The following OSTM1 variants were observed in gnomAD, a reference collection of about 807,000 sequenced individuals.
The protein encoded by OSTM1 is osteoclastogenesis associated transmembrane protein 1.
A neutral mutation model predicts 35.4 loss-of-function variants in OSTM1; 26 were observed. The ratio of observed to expected loss-of-function variants is 0.73; its 90% CI spans 0.54 to 1.02. The LOEUF (loss-of-function observed/expected upper bound fraction) is 1.02, where lower values mean the gene tolerates loss of function less well. Among genes scored for constraint, OSTM1 ranks in the 50% least tolerant of loss-of-function variants. The pLI, the probability that OSTM1 is intolerant of heterozygous loss-of-function variation, is 0.00. For synonymous variants in OSTM1, 181 were observed against 165.0 expected, an observed-to-expected ratio of 1.10 and a Z score of -0.75; for missense variants, 366 against 409.6, an observed-to-expected ratio of 0.89 and a Z score of 0.92.
intron 3 of OSTM1, among the ~76,000 whole-genome samples, chr6:108,052,168 T>G (rs763885347): frequency 3.1e-4 from 47 of 152,122 alleles, no homozygotes; most frequent in Non-Finnish European, 6.2e-4. Flanking sequence ...GGCGCGATGG[T>G]TCACACCTGT....
At chr6:108,057,302 A>G (rs1243414368) in intron 2 of OSTM1, among the ~76,000 whole-genome samples, 15 of 152,228 alleles carry the variant, frequency 9.9e-5, no homozygotes, top group African/African-American at 2.2e-4. Context: ...GGCAGAGTTG[A>G]TATAAATAAA....
At chr6:108,058,441 C>T (rs1772204462) in intron 2 of OSTM1, among the ~76,000 whole-genome samples, 1 of 151,934 alleles carries the variant, frequency 6.6e-6, no homozygotes, top group South Asian at 2.1e-4. Flanking sequence ...TTATAAGATA[C>T]AAATAATATG....
At chr6:108,047,946 C>T (rs1220655371) in intron 5 of OSTM1, among the ~76,000 whole-genome samples, 1 of 152,158 alleles carries the variant, frequency 6.6e-6, no homozygotes, top group Non-Finnish European at 1.5e-5. Flanking sequence ...AATAGTTTCT[C>T]AATGGTGAGG....
rs1703483104 is a variant in OSTM1 at position 108,044,351 on chromosome 6, G to T, written c.*434C>A. Reference sequence around the variant, plus strand: ...TATAACAATAATACTGCAATGGGGGGTAATTAAGCTACTTCCTAACAAGTA... The same window carrying T: ...TATAACAATAATACTGCAATGGGGGTTAATTAAGCTACTTCCTAACAAGTA... On this transcript the variant is annotated 3_prime_UTR_variant, in exon 6 of 6. Transcript: ENST00000193322. 1 of 156,532 alleles carries T rather than the reference G, an allele frequency of 6.4e-6. No homozygotes were observed. The highest frequency in any genetic ancestry group is 6.3e-5 in the Admixed American group (1 of 15,804). 9.7% of individuals were successfully genotyped at this position (156,532 alleles called of 1,614,324 possible).
At position 108,061,703 on chromosome 6, in the gene OSTM1, T is replaced by TTCTTG. The variant is rs1337915320; in HGVS notation, c.517+2481_517+2482insCAAGA. On this transcript the variant is annotated intron_variant, in intron 2 of 5. Coordinates refer to ENST00000193322, the MANE Select transcript of OSTM1 (RefSeq NM_014028.4). ...ACCATGCCCAGCTAATTTTTTTCTTTTCTTTTCTTTTCTTTGTAGAGACTC... is the reference window on the plus strand; with the variant it reads ...ACCATGCCCAGCTAATTTTTTTCTTTTCTTGTCTTTTCTTTTCTTTGTAGAGACTC... Among the ~76,000 whole-genome samples, 5 of 151,716 alleles carry TTCTTG rather than the reference T, an allele frequency of 3.3e-5. No homozygotes were observed. In the East Asian group the frequency reaches 9.7e-4, roughly 30 times the overall value.
At chr6:108,047,642 G>T (rs1772003955) in intron 5 of OSTM1, among the ~76,000 whole-genome samples, 1 of 152,198 alleles carries the variant, frequency 6.6e-6, no homozygotes, top group Admixed American at 6.5e-5. Flanking sequence ...GTTTGGGCTA[G>T]GGTTTACCAG....
In OSTM1 at chr6:108,049,460, C is replaced by A. The variant is rs770033090; in HGVS notation, c.784-42G>T. The A allele has an allele frequency of 4.4e-6, 7 of 1,603,266 alleles. No homozygotes were observed. In the South Asian group the frequency reaches 6.6e-5, roughly 15 times the overall value. The stretch of plus-strand genomic sequence containing the variant: ...CAATATCTTTCTATTTTATATTTAA[C>A]TTGTCTTCAATTTCTTATAATTATT... On this transcript the variant is annotated intron_variant, in intron 4 of 5. Coordinates refer to ENST00000193322, the MANE Select transcript of OSTM1 (RefSeq NM_014028.4).
At chr6:108,072,971 G>T (rs1274039483) in intron 1 of OSTM1, among the ~76,000 whole-genome samples, 2 of 152,080 alleles carry the variant, frequency 1.3e-5, no homozygotes, top group Non-Finnish European at 2.9e-5. Context: ...ACCACGCCCG[G>T]ATAATTTTTG....
rs1772136682 is a variant in OSTM1 at position 108,054,517 on chromosome 6, G to C, written c.588C>G (p.Thr196=). 6.5e-7 allele frequency: 1 copy of C among 1,541,320 alleles called. No homozygotes were observed. The highest frequency in any genetic ancestry group is 1.7e-5 in the Admixed American group (1 of 59,742). Reference sequence around the variant, plus strand: ...GAAGGTTATGTTCAAAGCAGGTCAGGGTGTGATTAAATAGATTAAGGAAAT... The same window carrying C: ...GAAGGTTATGTTCAAAGCAGGTCAGCGTGTGATTAAATAGATTAAGGAAAT... ...TVYFLNLFNH[T]LTCFEHNLQG... is the part of the protein sequence containing the mutation. The change falls in exon 3 of 6, where the codon ACC becomes ACG. Residue 196 remains threonine (T), a synonymous_variant. Transcript: ENST00000193322.
intron 5 of OSTM1, among the ~76,000 whole-genome samples, chr6:108,048,994 G>A (rs1562369977): frequency 2.0e-5 from 3 of 151,742 alleles, no homozygotes; most frequent in South Asian, 2.1e-4. Context: ...CTCGTGATCC[G>A]CCCACCTCAT....
chr6:108,047,959 C>A (rs1324612733), intron 5 of OSTM1, among the ~76,000 whole-genome samples: 1 of 152,122 alleles, frequency 6.6e-6, no homozygotes, highest in Middle Eastern at 3.2e-3. Context: ...TGGTGAGGTG[C>A]CCACAATATT....
chr6:108,070,354 A>T (rs539744735), intron 1 of OSTM1, among the ~76,000 whole-genome samples: 9 of 152,252 alleles, frequency 5.9e-5, no homozygotes, highest in African/African-American at 1.9e-4. Context: ...CCCTCCTTTA[A>T]CTTGGCATTC....
intron 2 of OSTM1, chr6:108,060,990 GATTTTAAATTATTTATAAT>G (rs1772262074): frequency 6.6e-6 from 1 of 151,898 alleles, no homozygotes; most frequent in Non-Finnish European, 1.5e-5. Flanking sequence ...CCAATTAACT[GATTTTAAATTATTTATAAT>G]TAACATATTT....
In OSTM1 at chr6:108,050,891, C is replaced by CT. The variant is rs1772064110; in HGVS notation, c.783+139dup. On this transcript the variant is annotated intron_variant, in intron 4 of 5. Coordinates refer to ENST00000193322, the MANE Select transcript of OSTM1 (RefSeq NM_014028.4). ...TTTAACAGACCAGGATATTCTAAAA[C>CT]TTTACTACTTTATAACTAGTTATTT... 3 of 740,774 alleles carry CT rather than the reference C, an allele frequency of 4.0e-6. No individual in the cohort carries two copies. The African/African-American group carries it at 5.2e-5, about 13-fold the overall frequency. The allele number at this position is 740,774 out of a possible 1,614,324, so 45.9% of individuals were successfully genotyped here. A position where few individuals can be genotyped will look rare whatever the true frequency, so the allele number is the denominator to read the frequency against.
chr6:108,062,079 T>C (rs1302049369), intron 2 of OSTM1, among the ~76,000 whole-genome samples: 1 of 152,186 alleles, frequency 6.6e-6, no homozygotes, highest in Non-Finnish European at 1.5e-5. Context: ...TATGGTTTTT[T>C]CTGTTTTCTA....
chr6:108,066,956 A>G lies in OSTM1; in HGVS notation c.403-2657T>C, dbSNP rs80085417. ...CTTAGAACTCTTAATACTCAAATCT[A>G]TCCTAACTACTTAGCAGAACCCTAA... On this transcript the variant is annotated intron_variant, in intron 1 of 5. Transcript: ENST00000193322. Among the ~76,000 whole-genome samples the G allele has an allele frequency of 1.9e-3, 287 of 152,262 alleles. 2 individuals carry two copies. Among genetic ancestry groups the G allele is most frequent in the East Asian group, 3.1e-3 (16 of 5,186 alleles).
At chr6:108,055,945 A>G (rs996123881) in intron 2 of OSTM1, among the ~76,000 whole-genome samples, 5 of 152,196 alleles carry the variant, frequency 3.3e-5, no homozygotes, top group African/African-American at 1.2e-4. Flanking sequence ...CAGGGCCATC[A>G]GATAGGATCT....
chr6:108,049,182 T>C, intron 5 of OSTM1, 71 bp downstream of exon 5: 1 of 1,043,624 alleles, frequency 9.6e-7, no homozygotes, highest in African/African-American at 1.6e-5. Context: ...GTAGCTATCA[T>C]TTCTAAAACA....
rs1273402037 is a variant in OSTM1, at chr6:108,074,353, C to T, written c.299G>A (p.Gly100Glu). 3.7e-6 allele frequency: 6 copies of T among 1,605,580 alleles called. No homozygotes were observed. Among genetic ancestry groups the T allele is most frequent in the Non-Finnish European group, 5.1e-6 (6 of 1,176,952 alleles). ...GGGCCGGGCGCTGCGCACCAGACACCCTGTCAGCTCTGCGCTGCTGTTGGC... is the reference window on the plus strand; with the variant it reads ...GGGCCGGGCGCTGCGCACCAGACACTCTGTCAGCTCTGCGCTGCTGTTGGC... ...DFANSSAELTGCLVRSARPVR... is the reference protein window; with the variant it reads ...DFANSSAELTECLVRSARPVR... Residue 100 changes from glycine to glutamate, a missense_variant, in exon 1 of 6, where the codon GGG (glycine) becomes GAG (glutamate). By Grantham distance (98) the Gly-to-Glu change is moderately conservative (BLOSUM62 -2). Transcript: ENST00000193322.
Sources: gnomAD v4.1 joint callset for allele counts (sites outside exome capture counted in the v4.1 genomes callset) on GRCh38, gnomAD v4.1.1 for gene constraint, MANE v1.5 for transcripts, NCBI Gene and HGNC (gene_info 2026-07-23, HGNC 2026-07-21) for gene names.